The following VTI1A variants were observed in gnomAD, a reference collection of about 807,000 sequenced individuals.
VTI1A encodes the protein vesicle transport through interaction with t-SNAREs 1A.
In VTI1A, 22 loss-of-function variants were observed where a neutral mutation model predicts 34.9. The ratio of observed to expected loss-of-function variants is 0.63; its 90% CI spans 0.45 to 0.90. The LOEUF (loss-of-function observed/expected upper bound fraction) is 0.90, where lower values mean the gene tolerates loss of function less well. VTI1A is among the 40% of genes least tolerant of loss of function. The pLI is 0.00. For synonymous variants in VTI1A, 87 were observed against 97.3 expected (o/e 0.89, Z 0.62); for missense variants, 268 against 275.6 (o/e 0.97, Z 0.20).
chr10:112,468,110 G>A (rs1320467790), intron 3 of VTI1A, among the ~76,000 whole-genome samples: 10 of 152,230 alleles, frequency 6.6e-5, no homozygotes, highest in Admixed American at 2.6e-4. Flanking sequence ...AGAAACGTGT[G>A]TGTGCTTGCA....
At chr10:112,604,544 T>G (rs749812776) in intron 5 of VTI1A, among the ~76,000 whole-genome samples, 29 of 152,230 alleles carry the variant, frequency 1.9e-4, no homozygotes, top group Non-Finnish European at 4.1e-4. Context: ...GGCTTTCATA[T>G]AACTTGAAAC....
intron 7 of VTI1A, among the ~76,000 whole-genome samples, chr10:112,674,682 T>G (rs1847968571): frequency 6.6e-6 from 1 of 152,182 alleles, no homozygotes; most frequent in Admixed American, 6.5e-5. Context: ...GATTTTATCC[T>G]TAACAGTTCT....
intron 7 of VTI1A, among the ~76,000 whole-genome samples, chr10:112,813,457 T>C (rs1252065596): frequency 6.6e-6 from 1 of 152,226 alleles, no homozygotes; most frequent in Non-Finnish European, 1.5e-5. Flanking sequence ...ATTTTGCTGA[T>C]TTCCTTTGCA....
At chr10:112,796,564 G>T (rs1268950577) in intron 7 of VTI1A, among the ~76,000 whole-genome samples, 3 of 152,150 alleles carry the variant, frequency 2.0e-5, no homozygotes, top group East Asian at 3.9e-4. Context: ...CACAAAACTG[G>T]CTCCTCTCAT....
chr10:112,780,337 C>A (rs1172998365), intron 7 of VTI1A, among the ~76,000 whole-genome samples: 1 of 149,660 alleles, frequency 6.7e-6, no homozygotes. Flanking sequence ...AATAACCTAC[C>A]TATATGCCTA....
At chr10:112,829,170 C>T in the VTI1A span, among the ~76,000 whole-genome samples, 1 of 152,112 alleles carries the variant, frequency 6.6e-6, no homozygotes, top group Non-Finnish European at 1.5e-5. Context: ...TTGGGCTGGG[C>T]GAGGTGGCTC....
At chr10:112,659,051 C>T (rs1056626154) in intron 5 of VTI1A, among the ~76,000 whole-genome samples, 3 of 152,178 alleles carry the variant, frequency 2.0e-5, no homozygotes, top group Non-Finnish European at 4.4e-5. Context: ...GTGATTAACT[C>T]GGCTCAGAAT....
chr10:112,651,471 C>T (rs1238792761), intron 5 of VTI1A, among the ~76,000 whole-genome samples: 1 of 152,082 alleles, frequency 6.6e-6, no homozygotes, highest in African/African-American at 2.4e-5. Flanking sequence ...CCACCACACC[C>T]AGCTAATTTT....
At chr10:112,782,353 A>G (rs575326220) in intron 7 of VTI1A, among the ~76,000 whole-genome samples, 4 of 152,408 alleles carry the variant, frequency 2.6e-5, no homozygotes, top group African/African-American at 4.8e-5. Context: ...GGATGTTGCA[A>G]TGACGCTTGG....
chr10:112,785,584 C>T (rs973346990), intron 7 of VTI1A, among the ~76,000 whole-genome samples: 7 of 152,060 alleles, frequency 4.6e-5, no homozygotes, highest in African/African-American at 1.7e-4. Flanking sequence ...TTGCCTGTCC[C>T]AAGGTTAGAA....
rs73350541 is a variant in VTI1A at position 112,641,151 on chromosome 10, G to A, written c.428-27067G>A. On this transcript the variant is annotated intron_variant, in intron 5 of 7. Transcript: ENST00000393077. ...CAAAAGTCACGGATTTTCTCCTGTTGGAAAAAGCCCTATCTGAGCAGGCTT... is the reference window on the plus strand; with the variant it reads ...CAAAAGTCACGGATTTTCTCCTGTTAGAAAAAGCCCTATCTGAGCAGGCTT... 7.8e-3 allele frequency among the ~76,000 whole-genome samples: 1,179 copies of A among 152,020 alleles called. 11 individuals carry two copies. The highest frequency in any genetic ancestry group is 0.027 in the African/African-American group (1,138 of 41,446).
chr10:112,517,556 G>A (rs1388356956), intron 3 of VTI1A, among the ~76,000 whole-genome samples: 1 of 152,022 alleles, frequency 6.6e-6, no homozygotes, highest in South Asian at 2.1e-4. Context: ...AAAGGGTAAC[G>A]TTACAGTGAA....
At chr10:112,634,505 A>G (rs1431262973) in intron 5 of VTI1A, among the ~76,000 whole-genome samples, 1 of 85,932 alleles carries the variant, frequency 1.2e-5, no homozygotes. Flanking sequence ...ACACAGACAC[A>G]CACACACATA....
intron 5 of VTI1A, among the ~76,000 whole-genome samples, chr10:112,572,609 C>A (rs530264322): frequency 6.6e-6 from 1 of 152,076 alleles, no homozygotes; most frequent in Non-Finnish European, 1.5e-5. Flanking sequence ...GAGGCTGAGG[C>A]GGGCGGATCA....
intron 4 of VTI1A, among the ~76,000 whole-genome samples, chr10:112,532,538 C>A (rs1415475121): frequency 2.0e-5 from 3 of 151,900 alleles, no homozygotes; most frequent in Non-Finnish European, 4.4e-5. Context: ...ACACACACAC[C>A]CACACGTACA....
At chr10:112,488,236 A>G (rs1477187864) in intron 3 of VTI1A, among the ~76,000 whole-genome samples, 2 of 152,202 alleles carry the variant, frequency 1.3e-5, no homozygotes, top group Non-Finnish European at 1.5e-5. Context: ...ATTATATGCT[A>G]TTTTAGAGCA....
intron 7 of VTI1A, among the ~76,000 whole-genome samples, chr10:112,812,004 T>C (rs1213199939): frequency 1.3e-5 from 2 of 152,212 alleles, no homozygotes; most frequent in Non-Finnish European, 2.9e-5. Context: ...TCAAAGTAAA[T>C]GGTTAATTCA....
intron 5 of VTI1A, among the ~76,000 whole-genome samples, chr10:112,655,693 T>C (rs1355186599): frequency 1.3e-5 from 2 of 152,206 alleles, no homozygotes; most frequent in East Asian, 3.8e-4. Flanking sequence ...GTAAATCTTA[T>C]GAGTACCAAA....
intron 5 of VTI1A, among the ~76,000 whole-genome samples, chr10:112,604,456 T>G (rs1387036508): frequency 1.3e-5 from 2 of 152,222 alleles, no homozygotes; most frequent in South Asian, 2.1e-4. Context: ...TCTCCATTTT[T>G]GCTTTCTCTT....
Sources: allele counts gnomAD v4.1 joint callset (sites outside exome capture counted in the v4.1 genomes callset), GRCh38; gene constraint gnomAD v4.1.1; transcripts MANE v1.5; gene names NCBI Gene and HGNC (gene_info 2026-07-23, HGNC 2026-07-21).